The following MACROD2 variants were observed in gnomAD, a reference collection of about 807,000 sequenced individuals.
MACROD2 encodes ADP-ribose glycohydrolase MACROD2.
In MACROD2, 36 loss-of-function variants were observed where a neutral mutation model predicts 70.4. The ratio of observed to expected loss-of-function variants is 0.51; its 90% CI spans 0.39 to 0.68. The LOEUF (loss-of-function observed/expected upper bound fraction) is 0.68, where lower values mean the gene tolerates loss of function less well. Ranked by LOEUF, MACROD2 falls within the 30% of genes least tolerant of loss-of-function variation. MACROD2 has a pLI of 0.00. For synonymous variants in MACROD2, 172 were observed against 178.8 expected (o/e 0.96, Z 0.30); for missense variants, 496 against 538.4 (o/e 0.92, Z 0.78).
At chr20:14,625,998 G>C (rs1384959554) in intron 4 of MACROD2, among the ~76,000 whole-genome samples, 1 of 151,960 alleles carries the variant, frequency 6.6e-6, no homozygotes, top group Non-Finnish European at 1.5e-5. Flanking sequence ...AATTTTTTTG[G>C]TATTTTTAGT....
intron 15 of MACROD2, among the ~76,000 whole-genome samples, chr20:16,024,581 C>A (rs17711924): frequency 0.094 from 14,340 of 152,066 alleles, 678 homozygotes; most frequent in East Asian, 0.14. Flanking sequence ...TAATGGAGGA[C>A]ATTGACTGGT....
chr20:14,485,735 A>G (rs1600291391), intron 3 of MACROD2, among the ~76,000 whole-genome samples: 1 of 151,010 alleles, frequency 6.6e-6, no homozygotes, highest in East Asian at 1.9e-4. Flanking sequence ...ACCATGGAGA[A>G]AAGTATGGAA....
chr20:15,458,864 T>A (rs2046770056), intron 7 of MACROD2, among the ~76,000 whole-genome samples: 1 of 152,106 alleles, frequency 6.6e-6, no homozygotes, highest in Non-Finnish European at 1.5e-5. Context: ...CACCTGCACC[T>A]GGCCTTTATA....
intron 5 of MACROD2, among the ~76,000 whole-genome samples, chr20:15,088,433 ATATATATATATATATAT>A (rs2075767924): frequency 1.4e-4 from 5 of 34,606 alleles, no homozygotes; most frequent in Non-Finnish European, 4.4e-4. Context: ...ATATATATAT[ATATATATATATATATAT>A]AATATTTTGT....
At chr20:14,032,627 T>A (rs772944026) in intron 2 of MACROD2, among the ~76,000 whole-genome samples, 9 of 152,270 alleles carry the variant, frequency 5.9e-5, no homozygotes, top group Middle Eastern at 3.4e-3. Flanking sequence ...GCATTGCCTG[T>A]TTTTGTATTT....
At chr20:14,932,260 T>C (rs946893187) in intron 5 of MACROD2, among the ~76,000 whole-genome samples, 2 of 151,954 alleles carry the variant, frequency 1.3e-5, no homozygotes, top group African/African-American at 4.8e-5. Flanking sequence ...TAATTTAGAG[T>C]CATTGTTCCA....
chr20:15,555,781 A>G (rs1428999648), intron 8 of MACROD2, among the ~76,000 whole-genome samples: 1 of 135,272 alleles, frequency 7.4e-6, no homozygotes, highest in Non-Finnish European at 1.6e-5. Context: ...GTGAGCCAAG[A>G]TTGCGCCACT....
At chr20:15,729,657 T>G (rs561658348) in intron 8 of MACROD2, among the ~76,000 whole-genome samples, 2 of 152,130 alleles carry the variant, frequency 1.3e-5, no homozygotes, top group Admixed American at 1.3e-4. Flanking sequence ...CTTCTTTGTC[T>G]TTTTTGATTG....
intron 5 of MACROD2, among the ~76,000 whole-genome samples, chr20:14,903,149 C>T (rs191331442): frequency 4.5e-4 from 65 of 145,562 alleles, no homozygotes; most frequent in African/African-American, 1.5e-3. Flanking sequence ...TCAAGCGATT[C>T]GCCTGCCTCA....
intron 6 of MACROD2, among the ~76,000 whole-genome samples, chr20:15,381,538 C>T (rs371457567): frequency 8.6e-5 from 13 of 152,044 alleles, no homozygotes; most frequent in African/African-American, 2.9e-4. Context: ...TGATGGCAAG[C>T]GTCTGTAATA....
intron 2 of MACROD2, among the ~76,000 whole-genome samples, chr20:14,008,788 A>G (rs2052857407): frequency 1.3e-5 from 2 of 152,182 alleles, no homozygotes; most frequent in South Asian, 2.1e-4. Context: ...AGTGGAACAG[A>G]ATAGAAAACC....
At chr20:14,399,388 G>A (rs2083614512) in intron 3 of MACROD2, among the ~76,000 whole-genome samples, 5 of 151,898 alleles carry the variant, frequency 3.3e-5, no homozygotes, top group Admixed American at 3.3e-4. Context: ...CTTTTTCTAT[G>A]CTTTAGATAT....
chr20:14,568,712 A>G (rs559562038), intron 4 of MACROD2, among the ~76,000 whole-genome samples: 3 of 152,204 alleles, frequency 2.0e-5, no homozygotes, highest in South Asian at 2.1e-4. Context: ...TCTTTAAATA[A>G]CATTGGTTTA....
chr20:16,036,987 C>T (rs982420882), intron 15 of MACROD2, among the ~76,000 whole-genome samples: 3 of 151,956 alleles, frequency 2.0e-5, no homozygotes, highest in African/African-American at 7.2e-5. Flanking sequence ...CTATACTTCC[C>T]TCTGCTCCAG....
At chr20:15,877,345 C>T (rs2147193636) in intron 9 of MACROD2, among the ~76,000 whole-genome samples, 1 of 152,212 alleles carries the variant, frequency 6.6e-6, no homozygotes, top group Non-Finnish European at 1.5e-5. Context: ...TTGGGCAAGC[C>T]AGAAGCAGCA....
intron 8 of MACROD2, among the ~76,000 whole-genome samples, chr20:15,608,378 A>G (rs1319741312): frequency 1.3e-5 from 2 of 152,162 alleles, no homozygotes; most frequent in Non-Finnish European, 2.9e-5. Context: ...AAATGCCTTG[A>G]TCTCTTATGC....
chr20:14,643,592 T>C (rs2050184038), intron 4 of MACROD2, among the ~76,000 whole-genome samples: 1 of 152,196 alleles, frequency 6.6e-6, no homozygotes, highest in African/African-American at 2.4e-5. Context: ...TTTATATTAC[T>C]TTGTGTCATA....
chr20:14,299,046 G>A (rs1026866658), intron 3 of MACROD2, among the ~76,000 whole-genome samples: 9 of 152,150 alleles, frequency 5.9e-5, no homozygotes, highest in Non-Finnish European at 1.2e-4. Context: ...TGATAAAACA[G>A]TCGCAGGGTT....
chr20:14,769,391 A>G (rs2123766968), intron 5 of MACROD2, among the ~76,000 whole-genome samples: 1 of 152,234 alleles, frequency 6.6e-6, no homozygotes, highest in South Asian at 2.1e-4. Context: ...CTTTTGGCAA[A>G]GCAGTTCCTA....
Sources: allele counts gnomAD v4.1 joint callset (sites outside exome capture counted in the v4.1 genomes callset), GRCh38; gene constraint gnomAD v4.1.1; transcripts MANE v1.5; gene names NCBI Gene and HGNC (gene_info 2026-07-23, HGNC 2026-07-21).